F2RL3: variants seen among roughly 807,000 people sequenced by gnomAD.
F2RL3 encodes the protein F2R like thrombin or trypsin receptor 3.
F2RL3 carries 3 observed loss-of-function variants against 4.9 expected under a neutral mutation model. That is an observed-to-expected ratio of 0.61 (90% CI 0.28 to 1.58). The LOEUF is 1.58. F2RL3 is among the 40% of genes most tolerant of loss of function. The probability of loss-of-function intolerance (pLI) is 0.11; values close to 1 mark genes in which losing one functional copy is unlikely to be tolerated. For missense variants in F2RL3, 564 were observed against 550.4 expected (o/e 1.02, Z -0.25); for synonymous variants, 284 against 278.4 (o/e 1.02, Z -0.20).
chr19:16,889,722 G>C lies in F2RL3; in HGVS notation c.259G>C (p.Val87Leu). 1 of 1,605,440 alleles carries C rather than the reference G, an allele frequency of 6.2e-7. No individual in the cohort carries two copies. The change falls in exon 2 of 2, where the codon GTC (valine) becomes CTC (leucine). Residue 87 changes from valine to leucine, a missense_variant. Physicochemically the swap from Val to Leu is conservative, Grantham distance 32 (BLOSUM62 1). Coordinates refer to ENST00000248076, the MANE Select transcript of F2RL3 (RefSeq NM_003950.4). ...TRLVPALYGL[V>L]LVVGLPANGL... ...GCTGGTGCCCGCCCTCTATGGGCTG[G>C]TCCTGGTGGTGGGGCTGCCGGCCAA... is the stretch of plus-strand genomic sequence containing the variant.
chr19:16,890,663 TC>T lies in F2RL3; in HGVS notation c.*47del. Reference sequence around the variant, plus strand: ...CTGTACTGGGTCGAACAGGGTCCCTTCCCCCACTTCACGTCCTTCCTGGGAC... The same window carrying T: ...CTGTACTGGGTCGAACAGGGTCCCTTCCCCACTTCACGTCCTTCCTGGGAC... On this transcript the variant is annotated 3_prime_UTR_variant, in exon 2 of 2. Transcript: ENST00000248076. The T allele has an allele frequency of 1.4e-6, 2 of 1,392,806 alleles. No individual in the cohort carries two copies. The highest frequency in any genetic ancestry group is 2.6e-5 in the South Asian group (2 of 76,426). The allele number at this position is 1,392,806 out of a possible 1,614,324, so 86.3% of individuals were successfully genotyped here.
At position 16,891,768 on chromosome 19, in the gene F2RL3, A is replaced by G. The variant is rs2051796019; in HGVS notation, c.*1147A>G. On this transcript the variant is annotated 3_prime_UTR_variant, in exon 2 of 2. Coordinates refer to ENST00000248076, the MANE Select transcript of F2RL3 (RefSeq NM_003950.4). ...GCGACTCTGTCTCCAAAAAAAAGAG[A>G]AGAGGAGAGGACACAGAGACACACA... 6.6e-6 allele frequency: 1 copy of G among 152,278 alleles called. No homozygotes were observed. Among genetic ancestry groups the G allele is most frequent in the Non-Finnish European group, 1.5e-5 (1 of 68,116 alleles). The allele number at this position is 152,278 out of a possible 1,614,324, so 9.4% of individuals were successfully genotyped here. A position where few individuals can be genotyped will look rare whatever the true frequency, so the allele number is the denominator to read the frequency against.
rs1338039263 is a variant in F2RL3, at chr19:16,889,584, T to C, written c.121T>C (p.Ser41Pro). 2 of 1,578,204 alleles carry C rather than the reference T, an allele frequency of 1.3e-6. No individual in the cohort carries two copies. The highest frequency in any genetic ancestry group is 1.7e-5 in the Admixed American group (1 of 57,794). Residue 41 changes from serine to proline, a missense_variant, in exon 2 of 2, where the codon TCA (serine) becomes CCA (proline). Physicochemically the swap from Ser to Pro is moderately conservative, Grantham distance 74 (BLOSUM62 -1). Coordinates refer to ENST00000248076, the MANE Select transcript of F2RL3 (RefSeq NM_003950.4). ...CCTCTCTCTCCCAGACAGCACGCCCTCAATCCTGCCTGCCCCCCGCGGCTA... is the reference window on the plus strand; with the variant it reads ...CCTCTCTCTCCCAGACAGCACGCCCCCAATCCTGCCTGCCCCCCGCGGCTA... ...STGGGDDSTP[S>P]ILPAPRGYPG...
chr19:16,890,547 G>A lies in F2RL3; in HGVS notation c.1084G>A (p.Asp362Asn), dbSNP rs1423617732. 1 of 1,608,838 alleles carries A rather than the reference G, an allele frequency of 6.2e-7. No homozygotes were observed. Among genetic ancestry groups the A allele is most frequent in the Non-Finnish European group, 8.5e-7 (1 of 1,178,464 alleles). Residue 362 changes from aspartate to asparagine, a missense_variant, in exon 2 of 2, where the codon GAC becomes AAC. Asp to Asn is a conservative substitution (Grantham distance 23). Transcript: ENST00000248076. ...RAGLFQRSPG[D>N]TVASKASAEG... ...AGGGCTCTTCCAACGGTCGCCGGGG[G>A]ACACCGTGGCCTCCAAGGCCTCTGC...
chr19:16,889,360 C>T lies in F2RL3; in HGVS notation c.109+62C>T, dbSNP rs148849401. 4.6e-3 allele frequency: 6,628 copies of T among 1,427,152 alleles called. 24 individuals carry two copies. The highest frequency in any genetic ancestry group is 5.5e-3 in the Non-Finnish European group (5,726 of 1,042,964). The allele number at this position is 1,427,152 out of a possible 1,614,324, so 88.4% of individuals were successfully genotyped here. A position where few individuals can be genotyped will look rare whatever the true frequency, so the allele number is the denominator to read the frequency against. The stretch of plus-strand genomic sequence containing the variant: ...TACATCAGAGATGGAGCTGGGGGCC[C>T]GGAGCTGGGGAGGGGGAGGCCGGGA... On this transcript the variant is annotated intron_variant, in intron 1 of 1. Coordinates refer to ENST00000248076, the MANE Select transcript of F2RL3 (RefSeq NM_003950.4).
intron 1 of F2RL3, 107 bp downstream of exon 1, chr19:16,889,405 G>T (rs1424337357): frequency 9.1e-6 from 11 of 1,210,538 alleles, no homozygotes; most frequent in Non-Finnish European, 1.2e-5. Flanking sequence ...CTTCAGCCCA[G>T]CCCACTCTGT....
intron 1 of F2RL3, 101 bp downstream of exon 1, chr19:16,889,399 A>C (rs989762722): frequency 1.6e-6 from 2 of 1,221,848 alleles, no homozygotes; most frequent in Non-Finnish European, 2.3e-6. Flanking sequence ...TGCGGGCTTC[A>C]GCCCAGCCCA....
chr19:16,889,998 G>A lies in F2RL3; in HGVS notation c.535G>A (p.Val179Met). The stretch of plus-strand genomic sequence containing the variant: ...CAGCCTGGATCGCTACCTGGCCCTG[G>A]TGCACCCGCTGCGGGCCCGCGCCCT... ...AVSLDRYLAL[V>M]HPLRARALRG... The change falls in exon 2 of 2, where the codon GTG (valine) becomes ATG (methionine). Residue 179 changes from valine to methionine, a missense_variant. Val to Met is a conservative substitution (Grantham distance 21, BLOSUM62 1). Transcript: ENST00000248076. 3 of 1,598,396 alleles carry A rather than the reference G, an allele frequency of 1.9e-6. No individual in the cohort carries two copies. Among genetic ancestry groups the A allele is most frequent in the Non-Finnish European group, 2.5e-6 (3 of 1,176,692 alleles).
Position 16,889,275 on chromosome 19 carries a change from G to T in F2RL3, c.86G>T (p.Ser29Ile). The T allele has an allele frequency of 1.3e-6, 2 of 1,596,450 alleles. No individual in the cohort carries two copies. Among genetic ancestry groups the T allele is most frequent in the Non-Finnish European group, 1.7e-6 (2 of 1,172,866 alleles). Residue 29 changes from serine to isoleucine, a missense_variant, in exon 1 of 2, where the codon AGC (serine) becomes ATC (isoleucine). Ser to Ile is a moderately radical substitution (Grantham distance 142). Transcript: ENST00000248076. ...GTQTPSVYDESGSTGGGDDST... is the reference protein window; with the variant it reads ...GTQTPSVYDEIGSTGGGDDST... The stretch of plus-strand genomic sequence containing the variant: ...CAGACCCCCAGCGTCTACGACGAGA[G>T]CGGGAGCACCGGAGGTGGTGATGGT...
intron 1 of F2RL3, 108 bp downstream of exon 1, chr19:16,889,406 C>A (rs1166943003): frequency 1.7e-6 from 2 of 1,203,894 alleles, no homozygotes; most frequent in Non-Finnish European, 2.4e-6. Flanking sequence ...TTCAGCCCAG[C>A]CCACTCTGTA....
In F2RL3 at chr19:16,890,229, C is replaced by A. The variant is rs1459077511; in HGVS notation, c.766C>A (p.Pro256Thr). Residue 256 changes from proline (P) to threonine (T), a missense_variant, in exon 2 of 2, where the codon CCC (proline) becomes ACC (threonine). Physicochemically the swap from Pro to Thr is conservative, Grantham distance 38 (BLOSUM62 -1). Transcript: ENST00000248076. ...CCTGGCGCTGTTGGGCTGTTTCCTG[C>A]CCCTGCTGGCCATGCTGCTGTGCTA... ...TCLALLGCFL[P>T]LLAMLLCYGA... The A allele has an allele frequency of 6.3e-7, 1 of 1,578,332 alleles. No individual in the cohort carries two copies.
At chr19:16,889,346 T>TGGAGCTGGGGGCCC (rs767693856) in intron 1 of F2RL3, 48 bp downstream of exon 1, 805 of 1,484,250 alleles carry the variant, frequency 5.4e-4, no homozygotes, top group Non-Finnish European at 6.9e-4. Context: ...ACATCAGAGA[T>TGGAGCTGGGGGCCC]GGAGCTGGGG....
chr19:16,890,543 G>T lies in F2RL3; in HGVS notation c.1080G>T (p.Pro360=). 6.2e-7 allele frequency: 1 copy of T among 1,609,044 alleles called. No homozygotes were observed. ...GGGCAGGGCTCTTCCAACGGTCGCC[G>T]GGGGACACCGTGGCCTCCAAGGCCT... ...KVRAGLFQRS[P]GDTVASKASA... is the part of the protein sequence containing the mutation. The change falls in exon 2 of 2, where the codon CCG becomes CCT. Residue 360 remains proline, a synonymous_variant. Coordinates refer to ENST00000248076, the MANE Select transcript of F2RL3 (RefSeq NM_003950.4).
At position 16,890,508 on chromosome 19, in the gene F2RL3, G is replaced by C; in HGVS notation, c.1045G>C (p.Asp349His). The C allele has an allele frequency of 6.2e-7, 1 of 1,612,730 alleles. No homozygotes were observed. Among genetic ancestry groups the C allele is most frequent in the Non-Finnish European group, 8.5e-7 (1 of 1,179,952 alleles). ...IYYYVSAEFR[D>H]KVRAGLFQRS... Reference sequence around the variant, plus strand: ...CTACTACGTGTCGGCCGAGTTCAGGGACAAGGTGCGGGCAGGGCTCTTCCA... The same window carrying C: ...CTACTACGTGTCGGCCGAGTTCAGGCACAAGGTGCGGGCAGGGCTCTTCCA... Residue 349 changes from aspartate (D) to histidine (H), a missense_variant, in exon 2 of 2, where the codon GAC becomes CAC. By Grantham distance (81) the Asp-to-His change is moderately conservative. Coordinates refer to ENST00000248076, the MANE Select transcript of F2RL3 (RefSeq NM_003950.4).
chr19:16,889,337 C>T (rs1381267839), intron 1 of F2RL3, 39 bp downstream of exon 1: 2 of 1,507,722 alleles, frequency 1.3e-6, no homozygotes, highest in Non-Finnish European at 1.8e-6. Flanking sequence ...GATGGGGTTA[C>T]ATCAGAGATG....
rs752747047 is a variant in F2RL3 at position 16,890,296 on chromosome 19, A to G, written c.833A>G (p.Tyr278Cys). 1.9e-6 allele frequency: 3 copies of G among 1,565,162 alleles called. No individual in the cohort carries two copies. In the South Asian group the frequency reaches 3.4e-5, roughly 18 times the overall value. The change falls in exon 2 of 2, where the codon TAC becomes TGC. Residue 278 changes from tyrosine (Y) to cysteine (C), a missense_variant. Transcript: ENST00000248076. ...ACGCTGGCGGCCAGCGGCCGGCGCT[A>G]CGGCCACGCGCTGAGGCTGACCGCA... The part of the protein sequence containing the change: ...LHTLAASGRR[Y>C]GHALRLTAVV...
rs948005964 is a variant in F2RL3 at position 16,889,765 on chromosome 19, T to C, written c.302T>C (p.Val101Ala). Residue 101 changes from valine (V) to alanine (A), a missense_variant, in exon 2 of 2, where the codon GTG becomes GCG. Coordinates refer to ENST00000248076, the MANE Select transcript of F2RL3 (RefSeq NM_003950.4). The stretch of plus-strand genomic sequence containing the variant: ...CCGGCCAATGGGCTGGCGCTGTGGG[T>C]GCTGGCCACGCAGGCACCTCGGCTG... ...GLPANGLALW[V>A]LATQAPRLPS... 6.3e-7 allele frequency: 1 copy of C among 1,599,522 alleles called. No individual in the cohort carries two copies. The highest frequency in any genetic ancestry group is 1.3e-5 in the African/African-American group (1 of 74,934).
At position 16,890,433 on chromosome 19, in the gene F2RL3, C is replaced by A. The variant is rs1599628958; in HGVS notation, c.970C>A (p.Pro324Thr). 6.2e-7 allele frequency: 1 copy of A among 1,612,536 alleles called. No individual in the cohort carries two copies. Among genetic ancestry groups the A allele is most frequent in the African/African-American group, 1.3e-5 (1 of 75,058 alleles). ...GGGCAACCTCTATGGTGCCTACGTG[C>A]CCAGCCTGGCGCTGAGCACCCTCAA... ...AWGNLYGAYV[P>T]SLALSTLNSC... The change falls in exon 2 of 2, where the codon CCC becomes ACC. Residue 324 changes from proline (P) to threonine (T), a missense_variant. Transcript: ENST00000248076.
rs774693812 is a variant in F2RL3, at chr19:16,890,486, C to T, written c.1023C>T (p.Tyr341=). The change falls in exon 2 of 2, where the codon TAC becomes TAT. Residue 341 remains tyrosine (Y), a synonymous_variant. Coordinates refer to ENST00000248076, the MANE Select transcript of F2RL3 (RefSeq NM_003950.4). ...LNSCVDPFIY[Y]YVSAEFRDKV... ...GCTGCGTGGATCCCTTCATCTACTA[C>T]TACGTGTCGGCCGAGTTCAGGGACA... is the stretch of plus-strand genomic sequence containing the variant. The T allele has an allele frequency of 2.2e-5, 36 of 1,612,784 alleles. No homozygotes were observed. Among genetic ancestry groups the T allele is most frequent in the Non-Finnish European group, 2.9e-5 (34 of 1,179,968 alleles).
Sources: allele counts gnomAD v4.1 joint callset, GRCh38; gene constraint gnomAD v4.1.1; transcripts MANE v1.5; gene names NCBI Gene and HGNC (gene_info 2026-07-23, HGNC 2026-07-21).